Variants in JAM3 observed in about 807,000 individuals in gnomAD.
JAM3 encodes the protein junctional adhesion molecule C.
JAM3 carries 31 observed loss-of-function variants against 39.4 expected under a neutral mutation model. The ratio of observed to expected loss-of-function variants is 0.79; its 90% CI spans 0.59 to 1.06. The LOEUF is 1.06. Ranked by LOEUF, JAM3 falls within the 50% of genes least tolerant of loss-of-function variation. The probability of loss-of-function intolerance (pLI) is 0.00; values close to 1 mark genes in which losing one functional copy is unlikely to be tolerated. For missense variants in JAM3, 455 were observed against 391.4 expected (o/e 1.16, Z -1.37); for synonymous variants, 182 against 148.7 (o/e 1.22, Z -1.63).
At chr11:134,069,334 ACTCGGGCCTGG>A (rs1454295968) in intron 1 of JAM3, among the ~76,000 whole-genome samples, 175 bp downstream of exon 1, 1 of 151,900 alleles carries the variant, frequency 6.6e-6, no homozygotes, top group Non-Finnish European at 1.5e-5. Flanking sequence ...CAGGGCTGGG[ACTCGGGCCTGG>A]CTAGGGCGGG....
intron 6 of JAM3, among the ~76,000 whole-genome samples, chr11:134,147,062 A>G (rs1252059110): frequency 6.6e-6 from 1 of 152,172 alleles, no homozygotes; most frequent in Non-Finnish European, 1.5e-5. Context: ...CACGTTTGAG[A>G]AACTCTGCTC....
At chr11:134,130,736 C>A (rs1942754260) in intron 1 of JAM3, among the ~76,000 whole-genome samples, 1 of 152,226 alleles carries the variant, frequency 6.6e-6, no homozygotes, top group Non-Finnish European at 1.5e-5. Context: ...GAGGCAACAG[C>A]TATTCCGCAG....
At chr11:134,124,119 CCAT>C in intron 1 of JAM3, 4 of 1,490,420 alleles carry the variant, frequency 2.7e-6, no homozygotes, top group Non-Finnish European at 3.7e-6. Context: ...GGGTGGAGCT[CCAT>C]CATCAAATGG....
intron 1 of JAM3, chr11:134,124,051 G>A: frequency 2.1e-6 from 3 of 1,437,840 alleles, no homozygotes; most frequent in Admixed American, 3.4e-5. Context: ...CAGCCACCTG[G>A]CTCTTCACAG....
At chr11:134,127,802 C>G (rs1353435205) in intron 1 of JAM3, among the ~76,000 whole-genome samples, 1 of 152,166 alleles carries the variant, frequency 6.6e-6, no homozygotes, top group African/African-American at 2.4e-5. Flanking sequence ...ACCGCTGCTC[C>G]TAGAATCACA....
At chr11:134,123,944 C>G in intron 1 of JAM3, 1 of 1,472,926 alleles carries the variant, frequency 6.8e-7, no homozygotes, top group African/African-American at 1.4e-5. Flanking sequence ...GTGTTATAAA[C>G]TGAACTGCAT....
chr11:134,107,053 T>G (rs979235807), intron 1 of JAM3, among the ~76,000 whole-genome samples: 1 of 152,164 alleles, frequency 6.6e-6, no homozygotes, highest in African/African-American at 2.4e-5. Flanking sequence ...TGTGGCACTA[T>G]TCACAATAGC....
At chr11:134,106,983 T>C (rs1942203881) in intron 1 of JAM3, among the ~76,000 whole-genome samples, 1 of 152,190 alleles carries the variant, frequency 6.6e-6, no homozygotes, top group African/African-American at 2.4e-5. Context: ...CATTACTGGG[T>C]ATATACCCAA....
At chr11:134,091,716 T>G (rs1402422333) in intron 1 of JAM3, among the ~76,000 whole-genome samples, 1 of 151,984 alleles carries the variant, frequency 6.6e-6, no homozygotes, top group African/African-American at 2.4e-5. Flanking sequence ...ACTTAGAATT[T>G]ATAGCCGACT....
At chr11:134,140,249 G>A (rs1213477676) in intron 2 of JAM3, among the ~76,000 whole-genome samples, 1 of 152,188 alleles carries the variant, frequency 6.6e-6, no homozygotes, top group Non-Finnish European at 1.5e-5. Context: ...TGCCTCCTGA[G>A]TAGCTGGGAT....
At chr11:134,147,912 CGCTT>C in intron 6 of JAM3, 1 of 154,170 alleles carries the variant, frequency 6.5e-6, no homozygotes, top group South Asian at 2.0e-4. Flanking sequence ...TTCCATGTGT[CGCTT>C]GCTTGAAGGA....
chr11:134,124,403 T>C (rs1443817357), intron 1 of JAM3: 2 of 602,990 alleles, frequency 3.3e-6, no homozygotes, highest in Non-Finnish European at 3.0e-6. Context: ...TCAAAATGTT[T>C]CACAGCAGAA....
intron 1 of JAM3, among the ~76,000 whole-genome samples, chr11:134,137,319 C>A (rs1187025782): frequency 6.6e-6 from 1 of 152,212 alleles, no homozygotes; most frequent in African/African-American, 2.4e-5. Context: ...TTTATGTCCT[C>A]TAGTTCACCT....
At chr11:134,134,081 A>G (rs1410141541) in intron 1 of JAM3, among the ~76,000 whole-genome samples, 1 of 152,138 alleles carries the variant, frequency 6.6e-6, no homozygotes, top group Non-Finnish European at 1.5e-5. Context: ...AAAGAATCAA[A>G]ACGAAACACT....
chr11:134,116,351 T>G (rs1360559011), intron 1 of JAM3, among the ~76,000 whole-genome samples: 1 of 152,226 alleles, frequency 6.6e-6, no homozygotes, highest in East Asian at 1.9e-4. Context: ...CTTTCTACAT[T>G]TGTTCATTGT....
chr11:134,113,021 C>G (rs1342286716), intron 1 of JAM3, among the ~76,000 whole-genome samples: 1 of 152,144 alleles, frequency 6.6e-6, no homozygotes, highest in Non-Finnish European at 1.5e-5. Flanking sequence ...CCAGTGCACT[C>G]TGGGAGAGGG....
In JAM3 at chr11:134,149,472, G is replaced by A; in HGVS notation, c.*291G>A. 1.8e-6 allele frequency: 1 copy of A among 560,558 alleles called. No homozygotes were observed. The highest frequency in any genetic ancestry group is 2.7e-5 in the Admixed American group (1 of 37,148). 34.7% of individuals were successfully genotyped at this position (560,558 alleles called of 1,614,324 possible). On this transcript the variant is annotated 3_prime_UTR_variant, in exon 9 of 9. Transcript: ENST00000299106. ...TGGCCTGATTCCCGCATGAGTATTAGGGTGATCTTAAAGAGTTTGCTCACG... is the reference window on the plus strand; with the variant it reads ...TGGCCTGATTCCCGCATGAGTATTAAGGTGATCTTAAAGAGTTTGCTCACG...
At chr11:134,096,634 T>G (rs778441382) in intron 1 of JAM3, among the ~76,000 whole-genome samples, 5 of 152,222 alleles carry the variant, frequency 3.3e-5, no homozygotes, top group Non-Finnish European at 5.9e-5. Context: ...GTCTCATTTC[T>G]ATTATCTAAA....
chr11:134,132,216 A>G (rs767901748), intron 1 of JAM3, among the ~76,000 whole-genome samples: 2 of 152,212 alleles, frequency 1.3e-5, no homozygotes, highest in Non-Finnish European at 2.9e-5. Context: ...ATCTTCAAGA[A>G]GACTATAAGC....
Sources: allele counts gnomAD v4.1 joint callset (sites outside exome capture counted in the v4.1 genomes callset), GRCh38; gene constraint gnomAD v4.1.1; transcripts MANE v1.5; gene names NCBI Gene and HGNC (gene_info 2026-07-23, HGNC 2026-07-21).